CA5A: variants seen among roughly 807,000 people sequenced by gnomAD.
The protein encoded by CA5A is carbonic anhydrase 5A.
Under a neutral mutation model 37.1 loss-of-function variants are expected in CA5A, and 28 were observed. The ratio of observed to expected loss-of-function variants is 0.75; its 90% CI spans 0.56 to 1.03. The LOEUF is 1.03. CA5A is among the 50% of genes least tolerant of loss of function. The probability of loss-of-function intolerance (pLI) is 0.00; values close to 1 mark genes in which losing one functional copy is unlikely to be tolerated. For synonymous variants in CA5A, 171 were observed against 158.4 expected (o/e 1.08, Z -0.60); for missense variants, 444 against 399.9 (o/e 1.11, Z -0.94).
downstream of CA5A, chr16:87,883,982 T>A (rs1185477973): frequency 1.3e-5 from 2 of 151,958 alleles, no homozygotes; most frequent in African/African-American, 4.8e-5. Context: ...GAAATGGCCT[T>A]TATCACCTTG....
At chr16:87,924,042 G>A in intron 2 of CA5A, 1 of 985,404 alleles carries the variant, frequency 1.0e-6, no homozygotes, top group Non-Finnish European at 1.2e-6. Context: ...GACCAACAAG[G>A]GGAGAAAAAC....
intron 1 of CA5A, among the ~76,000 whole-genome samples, chr16:87,928,745 T>A (rs910533305): frequency 1.0e-5 from 1 of 100,144 alleles, no homozygotes; most frequent in Non-Finnish European, 2.2e-5. Flanking sequence ...TCATCTGGAT[T>A]ATTTTCTTTT....
chr16:87,893,534 G>A (rs752268553), intron 5 of CA5A: 63 of 574,006 alleles, frequency 1.1e-4, no homozygotes, highest in Non-Finnish European at 1.4e-4. Context: ...TGCTGCAGCC[G>A]TCCAGGGACT....
At chr16:87,928,289 G>GCACCC (rs2056342162) in intron 1 of CA5A, among the ~76,000 whole-genome samples, 1 of 152,154 alleles carries the variant, frequency 6.6e-6, no homozygotes, top group Non-Finnish European at 1.5e-5. Context: ...TCAGCCTCCT[G>GCACCC]AGCAGCTGGG....
chr16:87,935,366 T>A (rs1221154857), intron 1 of CA5A, among the ~76,000 whole-genome samples: 1 of 152,128 alleles, frequency 6.6e-6, no homozygotes, highest in East Asian at 1.9e-4. Flanking sequence ...GCTGAGTGGT[T>A]TATTTGTTAC....
Position 87,902,418 on chromosome 16 carries a change from T to C in CA5A, c.555+7A>G, listed in dbSNP as rs187461955. On this transcript the variant is annotated splice_region_variant and intron_variant, in intron 4 of 6. Transcript: ENST00000649794. ...TTCATTAGATCTACACCCGAGCAAG[T>C]GATTACCTTTAAAAACACGCCTATC... 6.4e-7 allele frequency: 1 copy of C among 1,564,508 alleles called. No individual in the cohort carries two copies. Among genetic ancestry groups the C allele is most frequent in the Middle Eastern group, 1.7e-4 (1 of 5,976 alleles).
At chr16:87,935,523 C>T (rs374369855) in intron 1 of CA5A, among the ~76,000 whole-genome samples, 1 of 152,206 alleles carries the variant, frequency 6.6e-6, no homozygotes, top group Admixed American at 6.5e-5. Context: ...GCATCTTGCC[C>T]TCCCCAGGAC....
At chr16:87,900,671 G>T (rs899447395) in intron 5 of CA5A, among the ~76,000 whole-genome samples, 1 of 152,206 alleles carries the variant, frequency 6.6e-6, no homozygotes. Flanking sequence ...ATCTTTTCGA[G>T]CTGCGCTGGA....
At chr16:87,936,280 C>A in intron 1 of CA5A, 29 bp downstream of exon 1, 1 of 1,534,354 alleles carries the variant, frequency 6.5e-7, no homozygotes, top group Non-Finnish European at 9.0e-7. Context: ...GATCCAGTCG[C>A]ATCTTAGGAA....
intron 2 of CA5A, among the ~76,000 whole-genome samples, chr16:87,906,626 C>T (rs1404152218): frequency 6.9e-6 from 1 of 145,752 alleles, no homozygotes; most frequent in African/African-American, 2.5e-5. Context: ...GAATCAGTCT[C>T]AAAAAAAAAA....
intron 2 of CA5A, among the ~76,000 whole-genome samples, chr16:87,925,937 C>T (rs954027056): frequency 2.0e-5 from 3 of 152,122 alleles, no homozygotes; most frequent in Non-Finnish European, 2.9e-5. Flanking sequence ...AAAAGGTCAG[C>T]GAGGGCCGGG....
At chr16:87,914,265 C>T (rs1054850836) in intron 2 of CA5A, among the ~76,000 whole-genome samples, 1 of 152,202 alleles carries the variant, frequency 6.6e-6, no homozygotes, top group Non-Finnish European at 1.5e-5. Flanking sequence ...TAGGCATTAC[C>T]GCCTGATGGG....
chr16:87,923,686 T>C (rs2056261344), intron 2 of CA5A: 1 of 985,454 alleles, frequency 1.0e-6, no homozygotes, highest in Non-Finnish European at 1.2e-6. Context: ...GAATTTATTT[T>C]GTAAAATAAC....
At chr16:87,901,099 G>C (rs368806117) in intron 5 of CA5A, among the ~76,000 whole-genome samples, 1 of 152,126 alleles carries the variant, frequency 6.6e-6, no homozygotes, top group Non-Finnish European at 1.5e-5. Flanking sequence ...GTATGGTGGC[G>C]CACACCTATT....
intron 1 of CA5A, among the ~76,000 whole-genome samples, chr16:87,932,278 C>T (rs993978915): frequency 6.6e-6 from 1 of 152,282 alleles, no homozygotes; most frequent in African/African-American, 2.4e-5. Flanking sequence ...TAGACAGAAC[C>T]CTAAAGCCAC....
intron 2 of CA5A, among the ~76,000 whole-genome samples, chr16:87,918,710 G>A (rs2056189877): frequency 6.6e-6 from 1 of 152,128 alleles, no homozygotes; most frequent in African/African-American, 2.4e-5. Flanking sequence ...TTCCATGCAG[G>A]GTTTGCTGTG....
At chr16:87,891,381 T>A (rs578077557) in intron 6 of CA5A, among the ~76,000 whole-genome samples, 53 of 150,486 alleles carry the variant, frequency 3.5e-4, no homozygotes, top group Admixed American at 1.1e-3. Context: ...GGCAGGAGAA[T>A]CGCTTGAACC....
intron 5 of CA5A, among the ~76,000 whole-genome samples, chr16:87,895,671 G>T (rs1376504332): frequency 6.6e-6 from 1 of 152,170 alleles, no homozygotes; most frequent in African/African-American, 2.4e-5. Context: ...CCACCTCAAG[G>T]GGGAAGCTTG....
At chr16:87,895,071 G>A (rs1395863791) in intron 5 of CA5A, among the ~76,000 whole-genome samples, 2 of 151,956 alleles carry the variant, frequency 1.3e-5, no homozygotes, top group Non-Finnish European at 2.9e-5. Context: ...GCAACATAAC[G>A]AGACCCTGAC....
Sources: allele counts gnomAD v4.1 joint callset (sites outside exome capture counted in the v4.1 genomes callset), GRCh38; gene constraint gnomAD v4.1.1; transcripts MANE v1.5; gene names NCBI Gene and HGNC (gene_info 2026-07-23, HGNC 2026-07-21).